Variants in UNC5C observed in about 807,000 individuals in gnomAD.
UNC5C encodes netrin receptor UNC5C.
Under a neutral mutation model 99.8 loss-of-function variants are expected in UNC5C, and 47 were observed. That is an observed-to-expected ratio of 0.47 (90% CI 0.37 to 0.60). UNC5C has a LOEUF of 0.60. Among genes scored for constraint, UNC5C ranks in the 20% least tolerant of loss-of-function variants. The probability of loss-of-function intolerance (pLI) is 0.00; values close to 1 mark genes in which losing one functional copy is unlikely to be tolerated. For missense variants in UNC5C, 1,062 were observed against 1,165.9 expected (o/e 0.91, Z 1.30); for synonymous variants, 487 against 452.2 (o/e 1.08, Z -0.98).
At chr4:95,500,879 C>A (rs929256461) in intron 1 of UNC5C, among the ~76,000 whole-genome samples, 2 of 151,916 alleles carry the variant, frequency 1.3e-5, no homozygotes, top group African/African-American at 4.8e-5. Flanking sequence ...GTACAAATAC[C>A]GTATATTTTT....
chr4:95,437,759 T>C (rs1746834626), intron 1 of UNC5C, among the ~76,000 whole-genome samples: 1 of 152,086 alleles, frequency 6.6e-6, no homozygotes, highest in Non-Finnish European at 1.5e-5. Context: ...AGAGCATCAG[T>C]GGTAAGGTCT....
chr4:95,194,972 G>T (rs1382014038), intron 12 of UNC5C, among the ~76,000 whole-genome samples: 1 of 152,066 alleles, frequency 6.6e-6, no homozygotes, highest in Non-Finnish European at 1.5e-5. Flanking sequence ...AAATTTAGAG[G>T]CACCAAAAAT....
intron 1 of UNC5C, among the ~76,000 whole-genome samples, chr4:95,424,698 AT>A (rs200604887): frequency 0.049 from 7,427 of 150,348 alleles, 218 homozygotes; most frequent in Middle Eastern, 0.076. Flanking sequence ...ATTTTTTTGT[AT>A]TTTTTAGTAG....
chr4:95,240,733 T>C (rs1278282843), intron 7 of UNC5C, among the ~76,000 whole-genome samples: 2 of 152,190 alleles, frequency 1.3e-5, no homozygotes, highest in Admixed American at 1.3e-4. Context: ...CTGGCAAATA[T>C]CCAATCATAA....
At chr4:95,523,678 A>G (rs183629885) in intron 1 of UNC5C, among the ~76,000 whole-genome samples, 1 of 152,340 alleles carries the variant, frequency 6.6e-6, no homozygotes, top group East Asian at 1.9e-4. Flanking sequence ...AAAGAACAAG[A>G]TAATTAATAA....
chr4:95,540,407 T>C (rs779568841), intron 1 of UNC5C, among the ~76,000 whole-genome samples: 1 of 152,178 alleles, frequency 6.6e-6, no homozygotes, highest in Non-Finnish European at 1.5e-5. Flanking sequence ...GGGCTTCTGT[T>C]TTCCACCACC....
chr4:95,236,636 G>GA (rs533562684), intron 7 of UNC5C, among the ~76,000 whole-genome samples: 7 of 150,024 alleles, frequency 4.7e-5, no homozygotes, highest in African/African-American at 1.7e-4. Context: ...TATAGAAAAA[G>GA]AAAAAAAATA....
chr4:95,534,644 A>G (rs1434619158), intron 1 of UNC5C, among the ~76,000 whole-genome samples: 1 of 152,174 alleles, frequency 6.6e-6, no homozygotes, highest in Non-Finnish European at 1.5e-5. Context: ...CCTTAATTAC[A>G]TCATGATTAA....
chr4:95,358,323 A>C (rs1002585060), intron 1 of UNC5C, among the ~76,000 whole-genome samples: 1 of 152,188 alleles, frequency 6.6e-6, no homozygotes, highest in African/African-American at 2.4e-5. Flanking sequence ...GTGGCTTTGC[A>C]AGAAGAGTGT....
intron 13 of UNC5C, among the ~76,000 whole-genome samples, chr4:95,183,852 C>T (rs1238916825): frequency 6.6e-6 from 1 of 152,178 alleles, no homozygotes; most frequent in Non-Finnish European, 1.5e-5. Context: ...CTCAGTTTTC[C>T]TATCTGCAAA....
chr4:95,360,465 T>C (rs1744354185), intron 1 of UNC5C, among the ~76,000 whole-genome samples: 1 of 152,164 alleles, frequency 6.6e-6, no homozygotes, highest in Non-Finnish European at 1.5e-5. Context: ...GTTAAAAGTA[T>C]TGTGAAATAA....
At chr4:95,202,202 A>C (rs1311034238) in intron 12 of UNC5C, among the ~76,000 whole-genome samples, 4 of 152,230 alleles carry the variant, frequency 2.6e-5, no homozygotes, top group Admixed American at 2.0e-4. Context: ...AAAGGCACTT[A>C]CTATATCCCT....
intron 1 of UNC5C, among the ~76,000 whole-genome samples, chr4:95,447,154 A>G (rs7684538): frequency 6.6e-6 from 1 of 152,094 alleles, no homozygotes; most frequent in Non-Finnish European, 1.5e-5. Context: ...TCTAGTAAAA[A>G]ATTGAAGAGC....
At chr4:95,285,816 G>A (rs1039489896) in intron 3 of UNC5C, among the ~76,000 whole-genome samples, 4 of 152,110 alleles carry the variant, frequency 2.6e-5, no homozygotes, top group Admixed American at 2.0e-4. Context: ...GTAAGGATGC[G>A]GGTATGTGTC....
intron 1 of UNC5C, among the ~76,000 whole-genome samples, chr4:95,386,506 T>C (rs1745215511): frequency 6.6e-6 from 1 of 152,212 alleles, no homozygotes; most frequent in South Asian, 2.1e-4. Flanking sequence ...TGCTCACATA[T>C]TTCCTCCTTC....
chr4:95,317,815 G>C (rs972791003), intron 2 of UNC5C, among the ~76,000 whole-genome samples: 17 of 152,144 alleles, frequency 1.1e-4, no homozygotes, highest in Non-Finnish European at 2.2e-4. Context: ...AGGTAAGTAA[G>C]TGCCTTTACT....
chr4:95,224,615 C>CATT (rs936547354), intron 7 of UNC5C, among the ~76,000 whole-genome samples: 1 of 152,034 alleles, frequency 6.6e-6, no homozygotes, highest in African/African-American at 2.4e-5. Context: ...TTCATTCATT[C>CATT]ATTCATTCAT....
At chr4:95,474,126 TA>T (rs1748057678) in intron 1 of UNC5C, among the ~76,000 whole-genome samples, 1 of 152,102 alleles carries the variant, frequency 6.6e-6, no homozygotes, top group African/African-American at 2.4e-5. Flanking sequence ...GCATTAGTAT[TA>T]TTTTTTCCCA....
intron 1 of UNC5C, among the ~76,000 whole-genome samples, chr4:95,510,667 A>T (rs1578201901): frequency 6.6e-6 from 1 of 152,130 alleles, no homozygotes; most frequent in Non-Finnish European, 1.5e-5. Context: ...AGAAAAATCA[A>T]ATAACCAGAC....
Sources: gnomAD v4.1 joint callset for allele counts (sites outside exome capture counted in the v4.1 genomes callset) on GRCh38, gnomAD v4.1.1 for gene constraint, MANE v1.5 for transcripts, NCBI Gene and HGNC (gene_info 2026-07-23, HGNC 2026-07-21) for gene names.